Variants in OPCML observed in about 807,000 individuals in gnomAD.
OPCML encodes the protein opioid-binding protein/cell adhesion molecule.
A neutral mutation model predicts 37.8 loss-of-function variants in OPCML; 13 were observed. The ratio of observed to expected loss-of-function variants is 0.34; its 90% confidence interval spans 0.22 to 0.55. OPCML has a LOEUF of 0.55. Ranked by LOEUF, OPCML falls within the 20% of genes least tolerant of loss-of-function variation. OPCML has a pLI of 0.91. For missense variants in OPCML, 341 were observed against 435.6 expected, an observed-to-expected ratio of 0.78 and a Z score of 1.93; for synonymous variants, 176 against 168.8, an observed-to-expected ratio of 1.04 and a Z score of -0.33.
intron 4 of OPCML, among the ~76,000 whole-genome samples, chr11:132,486,578 A>G (rs981219950): frequency 6.6e-6 from 1 of 152,142 alleles, no homozygotes; most frequent in African/African-American, 2.4e-5. Context: ...GCAGTAAGGA[A>G]CATATTTACT....
chr11:133,426,251 C>CTGAA (rs1290516252), intron 1 of OPCML, among the ~76,000 whole-genome samples: 2 of 152,132 alleles, frequency 1.3e-5, no homozygotes, highest in African/African-American at 4.8e-5. Context: ...ACAGTGCTGA[C>CTGAA]TGAATATACC....
chr11:132,655,552 T>C (rs1411166212), intron 3 of OPCML, among the ~76,000 whole-genome samples: 2 of 152,184 alleles, frequency 1.3e-5, no homozygotes, highest in Non-Finnish European at 2.9e-5. Flanking sequence ...GCAGCATCTG[T>C]AGATGTCTGT....
intron 3 of OPCML, among the ~76,000 whole-genome samples, chr11:132,561,486 T>C (rs1378956484): frequency 6.6e-6 from 1 of 152,170 alleles, no homozygotes; most frequent in Non-Finnish European, 1.5e-5. Context: ...CCATCCCCAC[T>C]CAGTGTGGGC....
At chr11:133,108,838 T>G (rs1949204405) in intron 1 of OPCML, among the ~76,000 whole-genome samples, 1 of 152,052 alleles carries the variant, frequency 6.6e-6, no homozygotes, top group Non-Finnish European at 1.5e-5. Flanking sequence ...TAATGAAACA[T>G]ATTTTACTAA....
intron 1 of OPCML, among the ~76,000 whole-genome samples, chr11:133,136,790 TGTTA>T (rs1389864598): frequency 6.6e-6 from 1 of 151,588 alleles, no homozygotes; most frequent in African/African-American, 2.4e-5. Flanking sequence ...TGTTGGGCTT[TGTTA>T]GTTAAGGAAA....
chr11:132,781,848 A>T (rs1452311306), intron 2 of OPCML, among the ~76,000 whole-genome samples: 3 of 151,138 alleles, frequency 2.0e-5, no homozygotes, highest in African/African-American at 7.3e-5. Flanking sequence ...ACACCCTCAG[A>T]GACCAGACAT....
intron 3 of OPCML, among the ~76,000 whole-genome samples, chr11:132,596,644 T>C (rs1384104202): frequency 1.3e-5 from 2 of 152,150 alleles, no homozygotes; most frequent in East Asian, 3.9e-4. Context: ...GGGAGGACAG[T>C]CTTTTGCTTC....
chr11:132,514,186 A>T (rs180765435), intron 4 of OPCML, among the ~76,000 whole-genome samples: 254 of 152,310 alleles, frequency 1.7e-3, no homozygotes, highest in Middle Eastern at 3.4e-3. Flanking sequence ...GCATGTCAAT[A>T]AATTTAAAGG....
chr11:132,415,631 A>G lies in OPCML; in HGVS notation c.*4562T>C, dbSNP rs1345908956. On this transcript the variant is annotated 3_prime_UTR_variant, in exon 8 of 8. Coordinates refer to ENST00000524381, the MANE Select transcript of OPCML (RefSeq NM_001012393.5). ...AGAGGGCACCATGGAAAGAAACAAA[A>G]AGGAATCTCTTTCAAAATGCTGGAA... The G allele has an allele frequency of 6.6e-6, 1 of 152,216 alleles. No individual in the cohort carries two copies. The highest frequency in any genetic ancestry group is 1.5e-5 in the Non-Finnish European group (1 of 68,036). The allele number at this position is 152,216 out of a possible 1,614,324, so 9.4% of individuals were successfully genotyped here.
At chr11:133,261,731 G>A (rs759786876) in intron 1 of OPCML, among the ~76,000 whole-genome samples, 11 of 152,320 alleles carry the variant, frequency 7.2e-5, no homozygotes, top group Admixed American at 1.3e-4. Context: ...AAAGAGAGAC[G>A]GGGAGGAGAG....
chr11:132,951,850 C>T (rs1424735279), intron 1 of OPCML, among the ~76,000 whole-genome samples: 1 of 152,114 alleles, frequency 6.6e-6, no homozygotes, highest in Admixed American at 6.5e-5. Flanking sequence ...TTAGAAGTTG[C>T]CTAAAAATGA....
chr11:132,967,412 GA>G (rs1267404214), intron 1 of OPCML, among the ~76,000 whole-genome samples: 12 of 152,092 alleles, frequency 7.9e-5, no homozygotes, highest in African/African-American at 2.6e-4. Context: ...CAGAAGCTGA[GA>G]AAAGAAAGGA....
At chr11:132,618,949 A>G (rs1939208238) in intron 3 of OPCML, among the ~76,000 whole-genome samples, 1 of 121,734 alleles carries the variant, frequency 8.2e-6, no homozygotes, top group African/African-American at 3.3e-5. Context: ...ACACAAGCAC[A>G]CGCATACACA....
At chr11:132,849,589 T>C (rs530105100) in intron 2 of OPCML, among the ~76,000 whole-genome samples, 4 of 152,350 alleles carry the variant, frequency 2.6e-5, no homozygotes, top group Admixed American at 2.0e-4. Flanking sequence ...TGTTATTTTA[T>C]ACTGAGGACA....
chr11:133,477,143 T>C (rs1591543081), intron 1 of OPCML, among the ~76,000 whole-genome samples: 1 of 152,094 alleles, frequency 6.6e-6, no homozygotes, highest in South Asian at 2.1e-4. Flanking sequence ...AGTTTGGTTG[T>C]TTCTCCATTA....
At chr11:132,769,538 A>G (rs1382608278) in intron 2 of OPCML, among the ~76,000 whole-genome samples, 1 of 152,184 alleles carries the variant, frequency 6.6e-6, no homozygotes, top group African/African-American at 2.4e-5. Flanking sequence ...CCCATTGTCA[A>G]AAACAAAAGC....
intron 3 of OPCML, among the ~76,000 whole-genome samples, chr11:132,561,354 G>T (rs1294007994): frequency 1.3e-5 from 2 of 152,104 alleles, no homozygotes; most frequent in Non-Finnish European, 2.9e-5. Context: ...CCTTTCCTGG[G>T]TCCTCATCTC....
chr11:132,762,873 C>A (rs2136102463), intron 2 of OPCML, among the ~76,000 whole-genome samples: 1 of 152,240 alleles, frequency 6.6e-6, no homozygotes, highest in East Asian at 1.9e-4. Context: ...AAAAAATACA[C>A]CTGCAGCTAG....
At chr11:133,373,919 A>T (rs1944741443) in intron 1 of OPCML, among the ~76,000 whole-genome samples, 1 of 152,150 alleles carries the variant, frequency 6.6e-6, no homozygotes, top group South Asian at 2.1e-4. Context: ...ATTATTGCTA[A>T]TTTTTTAGTG....
Sources: allele counts gnomAD v4.1 joint callset (sites outside exome capture counted in the v4.1 genomes callset), GRCh38; gene constraint gnomAD v4.1.1; transcripts MANE v1.5; gene names NCBI Gene and HGNC (gene_info 2026-07-23, HGNC 2026-07-21).